BBS12: variants seen among roughly 807,000 people sequenced by gnomAD.
BBS12 encodes chaperonin-containing T-complex member BBS12.
BBS12 carries 5 observed loss-of-function variants against 5.6 expected under a neutral mutation model. That is an observed-to-expected ratio of 0.89 (90% confidence interval 0.46 to 1.86). BBS12 has a LOEUF of 1.86. BBS12 is among the 40% of genes most tolerant of loss of function. BBS12 has a pLI of 0.01. For missense variants in BBS12, 748 were observed against 830.4 expected (o/e 0.90, Z 1.22); for synonymous variants, 308 against 306.8 (o/e 1.00, Z -0.04).
At chr4:122,741,290 G>A (rs559045645) in intron 1 of BBS12, among the ~76,000 whole-genome samples, 258 of 152,230 alleles carry the variant, frequency 1.7e-3, no homozygotes, top group African/African-American at 5.8e-3. Flanking sequence ...GGGTTCAAGC[G>A]ATTCTTCTGC....
upstream of BBS12, chr4:122,731,426 T>G (rs1578482794): frequency 6.6e-6 from 1 of 152,232 alleles, no homozygotes; most frequent in South Asian, 2.1e-4. Flanking sequence ...TTAATCTTGC[T>G]CTTCCTATCT....
In BBS12 at chr4:122,742,335, C is replaced by G. The variant is rs755336293; in HGVS notation, c.443C>G (p.Ser148Cys). The change falls in exon 2 of 2, where the codon TCT (serine) becomes TGT (cysteine). Residue 148 changes from serine to cysteine, a missense_variant. Transcript: ENST00000314218. ...TGTATGGACAGCACAAAAACATTTTCTCAACTTGAAACATTTAGTGTAAGT... is the reference window on the plus strand; with the variant it reads ...TGTATGGACAGCACAAAAACATTTTGTCAACTTGAAACATTTAGTGTAAGT... The part of the protein sequence containing the change: ...FDCMDSTKTF[S>C]QLETFSVSLC... 7 of 1,614,108 alleles carry G rather than the reference C, an allele frequency of 4.3e-6. No homozygotes were observed. The highest frequency in any genetic ancestry group is 5.9e-6 in the Non-Finnish European group (7 of 1,180,014).
rs1444062882 is a variant in BBS12, at chr4:122,743,840, TC to T, written c.1949del (p.Ser650Ter). 1.2e-5 allele frequency: 19 copies of T among 1,605,716 alleles called. No homozygotes were observed. The highest frequency in any genetic ancestry group is 1.6e-5 in the Non-Finnish European group (19 of 1,176,508). The part of the protein sequence containing the change: ...YSKLNSRIFN[S>X]DISNKLEQIP... ...TAAACTAAATAGTAGAATTTTTAAT[TC>T]AGACATTTCAAATAAACTGGAGCAG... On this transcript the variant is annotated frameshift_variant, in exon 2 of 2. Transcript: ENST00000314218. LOFTEE classifies it high-confidence loss of function.
intron 1 of BBS12, among the ~76,000 whole-genome samples, chr4:122,734,876 GA>G (rs1169077029): frequency 5.3e-4 from 80 of 152,076 alleles, no homozygotes; most frequent in African/African-American, 1.1e-3. Context: ...CTGCACTTTA[GA>G]ACATTAATCA....
chr4:122,703,523 CA>C, the BBS12 span, among the ~76,000 whole-genome samples: 1 of 152,182 alleles, frequency 6.6e-6, no homozygotes, highest in Admixed American at 6.5e-5. Flanking sequence ...GCCTGGGCAA[CA>C]GAGTGAGATC....
the BBS12 span, among the ~76,000 whole-genome samples, chr4:122,717,208 G>A: frequency 1.3e-4 from 20 of 152,242 alleles, no homozygotes; most frequent in South Asian, 1.9e-3. Context: ...GTTAAAATGA[G>A]CCATGACCAA....
upstream of BBS12, chr4:122,730,970 G>A (rs1471951912): frequency 2.6e-5 from 4 of 152,142 alleles, no homozygotes; most frequent in South Asian, 2.1e-4. Context: ...TAAAAAAGAA[G>A]CAACTATCCA....
At chr4:122,740,078 C>T in intron 1 of BBS12, among the ~76,000 whole-genome samples, 1 of 151,846 alleles carries the variant, frequency 6.6e-6, no homozygotes, top group Non-Finnish European at 1.5e-5. Context: ...CAAGACCAGA[C>T]TGGGCAGCAT....
the BBS12 span, among the ~76,000 whole-genome samples, chr4:122,708,060 G>A: frequency 6.8e-6 from 1 of 148,022 alleles, no homozygotes; most frequent in Non-Finnish European, 1.5e-5. Flanking sequence ...TGCCCAGGCT[G>A]GAGTACAGCG....
chr4:122,707,618 G>A, the BBS12 span, among the ~76,000 whole-genome samples: 1 of 152,064 alleles, frequency 6.6e-6, no homozygotes, highest in Admixed American at 6.6e-5. Flanking sequence ...ACACGTTGTT[G>A]AGTGGCTCAG....
At chr4:122,728,933 A>T (rs1406637801), upstream of BBS12, 1 of 152,256 alleles carries the variant, frequency 6.6e-6, no homozygotes, top group Non-Finnish European at 1.5e-5. Context: ...AAGTCTGAGC[A>T]CTTCTGTCCA....
chr4:122,736,185 TCGACTC>T (rs1201275892), intron 1 of BBS12, among the ~76,000 whole-genome samples: 1 of 152,202 alleles, frequency 6.6e-6, no homozygotes, highest in Non-Finnish European at 1.5e-5. Context: ...GACTTTGACT[TCGACTC>T]CAAGTGAAAT....
chr4:122,729,190 A>C (rs1182610212), upstream of BBS12: 1 of 152,508 alleles, frequency 6.6e-6, no homozygotes, highest in African/African-American at 2.4e-5. Context: ...CAGATGCCAT[A>C]TGATGCACAC....
At chr4:122,716,243 A>G in the BBS12 span, among the ~76,000 whole-genome samples, 1 of 152,274 alleles carries the variant, frequency 6.6e-6, no homozygotes, top group East Asian at 1.9e-4. Context: ...TCATTTTTAA[A>G]TACAATTGAA....
chr4:122,700,772 C>A, the BBS12 span, among the ~76,000 whole-genome samples: 1 of 152,162 alleles, frequency 6.6e-6, no homozygotes, highest in Non-Finnish European at 1.5e-5. Context: ...GTTTATTTCT[C>A]CTCTATTAGA....
the BBS12 span, among the ~76,000 whole-genome samples, chr4:122,723,799 G>A: frequency 3.3e-5 from 5 of 152,190 alleles, no homozygotes; most frequent in African/African-American, 7.2e-5. Context: ...AAAATGGGAT[G>A]TTTAAAAAAG....
chr4:122,743,719 C>T lies in BBS12; in HGVS notation c.1827C>T (p.Tyr609=), dbSNP rs1800933874. ...LSTLLYNTAN[Y]SSEFEASTYI... ...CTCTCCTATATAACACTGCCAATTA[C>T]TCATCAGAATTTGAAGCCAGCACAT... Residue 609 remains tyrosine (Y), a synonymous_variant, in exon 2 of 2, where the codon TAC becomes TAT. Coordinates refer to ENST00000314218, the MANE Select transcript of BBS12 (RefSeq NM_152618.3). 6.2e-7 allele frequency: 1 copy of T among 1,614,198 alleles called. No individual in the cohort carries two copies. Among genetic ancestry groups the T allele is most frequent in the Middle Eastern group, 1.6e-4 (1 of 6,062 alleles).
At chr4:122,741,646 GA>G (rs964715792) in intron 1 of BBS12, among the ~76,000 whole-genome samples, 32 of 152,076 alleles carry the variant, frequency 2.1e-4, no homozygotes, top group African/African-American at 6.5e-4. Context: ...CTTTCTTCTG[GA>G]AACGTTGCCT....
At chr4:122,724,796 T>G in the BBS12 span, among the ~76,000 whole-genome samples, 1 of 152,268 alleles carries the variant, frequency 6.6e-6, no homozygotes, top group South Asian at 2.1e-4. Context: ...TTCTTAGGAT[T>G]TGAGGCATTT....
Sources: allele counts gnomAD v4.1 joint callset (sites outside exome capture counted in the v4.1 genomes callset), GRCh38; gene constraint gnomAD v4.1.1; transcripts MANE v1.5; gene names NCBI Gene and HGNC (gene_info 2026-07-23, HGNC 2026-07-21).